The following RTN1 variants were observed in gnomAD, a reference collection of about 807,000 sequenced individuals.
RTN1 encodes the protein reticulon 1.
Under a neutral mutation model 65.5 loss-of-function variants are expected in RTN1, and 25 were observed. The ratio of observed to expected loss-of-function variants is 0.38; its 90% CI spans 0.28 to 0.53. The LOEUF is 0.53. Among genes scored for constraint, RTN1 ranks in the 20% least tolerant of loss-of-function variants. The pLI is 0.79. For missense variants in RTN1, 983 were observed against 1,025.4 expected, an observed-to-expected ratio of 0.96 and a Z score of 0.57; for synonymous variants, 471 against 447.6, an observed-to-expected ratio of 1.05 and a Z score of -0.66.
At chr14:59,869,575 G>T (rs1887855424) in intron 1 of RTN1, among the ~76,000 whole-genome samples, 1 of 82,916 alleles carries the variant, frequency 1.2e-5, no homozygotes, top group Non-Finnish European at 2.3e-5. Flanking sequence ...GGCAATTTCC[G>T]GGGTGGGGGG....
At chr14:59,869,928 C>G (rs1367564904) in intron 1 of RTN1, among the ~76,000 whole-genome samples, 1 of 152,068 alleles carries the variant, frequency 6.6e-6, no homozygotes, top group Non-Finnish European at 1.5e-5. Context: ...TGGACAGAGC[C>G]GGGTCCAGGG....
chr14:59,751,465 A>G (rs970270658), intron 1 of RTN1, among the ~76,000 whole-genome samples: 1 of 152,148 alleles, frequency 6.6e-6, no homozygotes, highest in African/African-American at 2.4e-5. Context: ...ATTTCACTAC[A>G]GATATTTGGA....
rs149679327 is a variant in RTN1 at position 59,708,986 on chromosome 14, T to C, written c.1765+17933A>G. Among the ~76,000 whole-genome samples, 64 of 152,354 alleles carry C rather than the reference T, an allele frequency of 4.2e-4. No individual in the cohort carries two copies. In the East Asian group the frequency reaches 4.8e-3, roughly 11 times the overall value. On this transcript the variant is annotated intron_variant, in intron 3 of 8. Transcript: ENST00000267484. ...ATAGAAGTTGAGAGATTTTTGCTCA[T>C]TGGCTAATTAAAACTAACCAACTGA...
At chr14:59,806,069 C>T (rs896563762) in intron 1 of RTN1, among the ~76,000 whole-genome samples, 13 of 151,930 alleles carry the variant, frequency 8.6e-5, no homozygotes, top group African/African-American at 3.1e-4. Context: ...AACCCTGCCT[C>T]TACTAAAAAT....
intron 1 of RTN1, among the ~76,000 whole-genome samples, chr14:59,820,138 G>A (rs1176986417): frequency 1.3e-5 from 2 of 152,198 alleles, no homozygotes; most frequent in Non-Finnish European, 2.9e-5. Context: ...GCATTTCTCT[G>A]ATGAGTGGTA....
At chr14:59,667,691 G>C (rs1480083456) in intron 3 of RTN1, among the ~76,000 whole-genome samples, 1 of 152,124 alleles carries the variant, frequency 6.6e-6, no homozygotes, top group Non-Finnish European at 1.5e-5. Flanking sequence ...CAGATGACAT[G>C]ACTGTATATT....
chr14:59,623,524 C>T (rs1882311555), intron 3 of RTN1, among the ~76,000 whole-genome samples: 1 of 152,156 alleles, frequency 6.6e-6, no homozygotes, highest in South Asian at 2.1e-4. Context: ...AAAAGACGGG[C>T]TTTGGAAATG....
chr14:59,689,996 T>G (rs1883927711), intron 3 of RTN1, among the ~76,000 whole-genome samples: 1 of 151,938 alleles, frequency 6.6e-6, no homozygotes. Context: ...TTTTTTTTTT[T>G]TGGTAGAGAT....
rs1886892302 is a variant in RTN1 at position 59,819,425 on chromosome 14, ACCCCCCACCCC to A, written c.241+50954_241+50964del. Among the ~76,000 whole-genome samples the A allele has an allele frequency of 1.8e-3, 26 of 14,824 alleles. 1 individual carries two copies. In the East Asian group the frequency reaches 0.045, roughly 26 times the overall value. 9.7% of individuals were successfully genotyped at this position (14,824 alleles called of 152,430 possible). On this transcript the variant is annotated intron_variant, in intron 1 of 8. Coordinates refer to ENST00000267484, the MANE Select transcript of RTN1 (RefSeq NM_021136.3). The stretch of plus-strand genomic sequence containing the variant: ...TCCACACCACCACCACCCCCCCCCC[ACCCCCCACCCC>A]CCCCCCCCGGCCACAGCTAGACACA...
At chr14:59,834,058 C>T (rs1382889400) in intron 1 of RTN1, among the ~76,000 whole-genome samples, 1 of 151,880 alleles carries the variant, frequency 6.6e-6, no homozygotes, top group Non-Finnish European at 1.5e-5. Flanking sequence ...TAATTGGACT[C>T]GAACATAAAT....
At chr14:59,700,932 C>A (rs897813741) in intron 3 of RTN1, among the ~76,000 whole-genome samples, 5 of 151,988 alleles carry the variant, frequency 3.3e-5, no homozygotes, top group Non-Finnish European at 2.9e-5. Flanking sequence ...AAAACACAAT[C>A]CACAGAACAA....
chr14:59,778,320 A>C (rs1886091958), intron 1 of RTN1, among the ~76,000 whole-genome samples: 1 of 152,182 alleles, frequency 6.6e-6, no homozygotes, highest in Admixed American at 6.5e-5. Flanking sequence ...ATCATGGCAT[A>C]TTGTAAGCTA....
At chr14:59,757,740 T>C (rs1234928096) in intron 1 of RTN1, among the ~76,000 whole-genome samples, 2 of 152,162 alleles carry the variant, frequency 1.3e-5, no homozygotes, top group African/African-American at 4.8e-5. Context: ...TACCAGTGCC[T>C]TGATCTTGGA....
At chr14:59,609,420 A>ATGATTTT (rs1205030046) in intron 3 of RTN1, among the ~76,000 whole-genome samples, 10 of 152,156 alleles carry the variant, frequency 6.6e-5, no homozygotes, top group African/African-American at 2.4e-4. Flanking sequence ...AGTTCACCAA[A>ATGATTTT]TGATTTTTCT....
rs1489113827 is a variant in RTN1 at position 59,749,182 on chromosome 14, ATC to A, written c.242-2703_242-2702del. 4.6e-4 allele frequency among the ~76,000 whole-genome samples: 48 copies of A among 105,268 alleles called. 6 individuals are homozygous for A. Among genetic ancestry groups the A allele is most frequent in the African/African-American group, 2.8e-3 (45 of 15,868 alleles). The allele number at this position is 105,268 out of a possible 152,430, so 69.1% of individuals were successfully genotyped here. Reference sequence around the variant, plus strand: ...TATCTATCTATATATCTATCTATATATCTATCTATATATATCTATATATATAT... The same window carrying A: ...TATCTATCTATATATCTATCTATATATATCTATATATATCTATATATATAT... On this transcript the variant is annotated intron_variant, in intron 1 of 8. Transcript: ENST00000267484.
chr14:59,759,763 C>A (rs1463556593), intron 1 of RTN1, among the ~76,000 whole-genome samples: 1 of 150,414 alleles, frequency 6.6e-6, no homozygotes, highest in African/African-American at 2.4e-5. Context: ...AGATGTATGA[C>A]CCTGGAACAT....
chr14:59,671,461 C>G (rs1430498010), intron 3 of RTN1, among the ~76,000 whole-genome samples: 1 of 152,168 alleles, frequency 6.6e-6, no homozygotes, highest in Non-Finnish European at 1.5e-5. Context: ...GTGATACCAA[C>G]AATCGCACAT....
chr14:59,683,409 C>T (rs1883782449), intron 3 of RTN1, among the ~76,000 whole-genome samples: 1 of 150,814 alleles, frequency 6.6e-6, no homozygotes, highest in African/African-American at 2.4e-5. Context: ...GCATTTAATA[C>T]TAGGGTTTCT....
At chr14:59,862,939 T>C (rs112140788) in intron 1 of RTN1, among the ~76,000 whole-genome samples, 5 of 152,156 alleles carry the variant, frequency 3.3e-5, no homozygotes, top group African/African-American at 1.2e-4. Context: ...ATAGAAGCAG[T>C]TAATGGAAAA....
Sources: allele counts gnomAD v4.1 joint callset (sites outside exome capture counted in the v4.1 genomes callset), GRCh38; gene constraint gnomAD v4.1.1; transcripts MANE v1.5; gene names NCBI Gene and HGNC (gene_info 2026-07-23, HGNC 2026-07-21).